GABBR2: variants seen among roughly 807,000 people sequenced by gnomAD.
GABBR2 encodes the protein G-protein coupled receptor 51.
Under a neutral mutation model 105.6 loss-of-function variants are expected in GABBR2, and 23 were observed. The observed-to-expected ratio is 0.22, with a 90% confidence interval of 0.16 to 0.31. The LOEUF (loss-of-function observed/expected upper bound fraction) is 0.31, where lower values mean the gene tolerates loss of function less well. Among genes scored for constraint, GABBR2 ranks in the 10% least tolerant of loss-of-function variants. GABBR2 has a pLI of 1.00. For missense variants in GABBR2, 734 were observed against 1,245.5 expected (o/e 0.59, Z 6.18); for synonymous variants, 478 against 499.7 (o/e 0.96, Z 0.58).
chr9:98,595,617 T>C (rs1829223978), intron 1 of GABBR2, among the ~76,000 whole-genome samples: 1 of 56,364 alleles, frequency 1.8e-5, no homozygotes, highest in Non-Finnish European at 3.5e-5. Flanking sequence ...CATGCTTTTG[T>C]TCTCTGCCAG....
chr9:98,425,470 C>T (rs1314548518), intron 7 of GABBR2, among the ~76,000 whole-genome samples: 6 of 152,190 alleles, frequency 3.9e-5, no homozygotes, highest in African/African-American at 1.4e-4. Flanking sequence ...TCTTTCATCA[C>T]ATTTTTGTGA....
At chr9:98,472,245 C>T (rs1269500949) in intron 6 of GABBR2, among the ~76,000 whole-genome samples, 4 of 152,188 alleles carry the variant, frequency 2.6e-5, no homozygotes. Flanking sequence ...ATGTTACCAC[C>T]TTTACCAGGG....
chr9:98,341,663 C>T lies in GABBR2; in HGVS notation c.1893+21052G>A, dbSNP rs113102574. ...AAGGAAGGAAGTAGATACAAGTTCACGGAGAGAGCACAGCCCATTTCCTGG... is the reference window on the plus strand; with the variant it reads ...AAGGAAGGAAGTAGATACAAGTTCATGGAGAGAGCACAGCCCATTTCCTGG... On this transcript the variant is annotated intron_variant, in intron 13 of 18. Coordinates refer to ENST00000259455, the MANE Select transcript of GABBR2 (RefSeq NM_005458.8). Among the ~76,000 whole-genome samples the T allele has an allele frequency of 7.4e-3, 1,121 of 152,194 alleles. 17 individuals carry two copies. Among genetic ancestry groups the T allele is most frequent in the African/African-American group, 0.026 (1,060 of 41,528 alleles).
rs1564026896 is a variant in GABBR2, at chr9:98,349,345, TTTTG to T, written c.1893+13366_1893+13369del. Among the ~76,000 whole-genome samples, 5 of 12,824 alleles carry T rather than the reference TTTTG, an allele frequency of 3.9e-4. No homozygotes were observed. The South Asian group carries it at 5.3e-3, about 13-fold the overall frequency. 8.4% of individuals were successfully genotyped at this position (12,824 alleles called of 152,430 possible). On this transcript the variant is annotated intron_variant, in intron 13 of 18. Coordinates refer to ENST00000259455, the MANE Select transcript of GABBR2 (RefSeq NM_005458.8). ...TTGGTTTGCCAATATTTTGTTGAAG[TTTTG>T]TTTTTTTTTTTTTTTTTTTTTTTTT...
At chr9:98,447,510 T>C (rs2131594839) in intron 7 of GABBR2, among the ~76,000 whole-genome samples, 1 of 151,124 alleles carries the variant, frequency 6.6e-6, no homozygotes, top group East Asian at 2.0e-4. Flanking sequence ...GGGACAACTC[T>C]AACAAGATGA....
chr9:98,681,964 G>C (rs984342254), intron 1 of GABBR2, among the ~76,000 whole-genome samples: 4 of 152,176 alleles, frequency 2.6e-5, no homozygotes, highest in Middle Eastern at 3.2e-3. Flanking sequence ...GCTTATGCCT[G>C]TAATCCCAGC....
intron 7 of GABBR2, among the ~76,000 whole-genome samples, chr9:98,428,825 A>G (rs1825745420): frequency 6.6e-6 from 1 of 152,210 alleles, no homozygotes; most frequent in Non-Finnish European, 1.5e-5. Flanking sequence ...GCATAGGCCT[A>G]GAATGGACCT....
intron 1 of GABBR2, among the ~76,000 whole-genome samples, chr9:98,666,365 G>A (rs902988076): frequency 3.9e-5 from 6 of 152,190 alleles, no homozygotes; most frequent in African/African-American, 1.4e-4. Flanking sequence ...CACTCCCAGT[G>A]ACCCACTTGG....
chr9:98,469,983 T>C (rs1035968021), intron 6 of GABBR2, among the ~76,000 whole-genome samples: 2 of 152,232 alleles, frequency 1.3e-5, no homozygotes, highest in Non-Finnish European at 2.9e-5. Flanking sequence ...TCTAGAACTA[T>C]GTTTGACCAT....
intron 3 of GABBR2, among the ~76,000 whole-genome samples, chr9:98,518,750 G>A (rs1588208730): frequency 6.6e-6 from 1 of 152,204 alleles, no homozygotes; most frequent in Non-Finnish European, 1.5e-5. Flanking sequence ...CTCATGTATG[G>A]AGAGGATCTA....
At chr9:98,525,357 C>T (rs1827937544) in intron 3 of GABBR2, among the ~76,000 whole-genome samples, 1 of 152,146 alleles carries the variant, frequency 6.6e-6, no homozygotes, top group Admixed American at 6.5e-5. Context: ...TTTGAATAGG[C>T]ATATCTCCAA....
chr9:98,460,957 T>G (rs991740132), intron 6 of GABBR2, among the ~76,000 whole-genome samples: 1 of 152,104 alleles, frequency 6.6e-6, no homozygotes, highest in Non-Finnish European at 1.5e-5. Context: ...GCAGACTCAA[T>G]AGAAACAATG....
intron 1 of GABBR2, among the ~76,000 whole-genome samples, chr9:98,598,698 G>A (rs924342778): frequency 2.6e-5 from 4 of 152,090 alleles, no homozygotes; most frequent in Non-Finnish European, 4.4e-5. Context: ...CCAGGGGTGC[G>A]CACACAGCAG....
rs1826287701 is a variant in GABBR2 at position 98,454,315 on chromosome 9, G to C, written c.1000-98C>G. The C allele has an allele frequency of 7.4e-6, 6 of 813,436 alleles. No individual in the cohort carries two copies. In the Admixed American group the frequency reaches 1.0e-4, roughly 14 times the overall value. 50.4% of individuals were successfully genotyped at this position (813,436 alleles called of 1,614,324 possible). On this transcript the variant is annotated intron_variant, in intron 6 of 18. Transcript: ENST00000259455. The surrounding 1 kb of genome is among the most constrained non-coding windows in gnomAD (Gnocchi z 4.6). ...AGCTGCTATTCTTCAATGCCCACAG[G>C]GTGCCAGGTACAGTGCTAGATTCTA...
intron 7 of GABBR2, among the ~76,000 whole-genome samples, chr9:98,426,262 A>T (rs1315209040): frequency 6.6e-6 from 1 of 152,208 alleles, no homozygotes; most frequent in Non-Finnish European, 1.5e-5. Flanking sequence ...TGTGACACAT[A>T]ACCTATCCAG....
At chr9:98,366,096 T>C (rs1831671435) in intron 12 of GABBR2, among the ~76,000 whole-genome samples, 2 of 152,238 alleles carry the variant, frequency 1.3e-5, no homozygotes, top group South Asian at 4.1e-4. Flanking sequence ...ACTAGTTGTG[T>C]GATCTTGGGT....
intron 1 of GABBR2, among the ~76,000 whole-genome samples, chr9:98,647,041 G>A (rs1286679592): frequency 6.6e-6 from 1 of 152,212 alleles, no homozygotes; most frequent in South Asian, 2.1e-4. Context: ...GAGGCAGGGA[G>A]GATATCTGTT....
intron 2 of GABBR2, among the ~76,000 whole-genome samples, chr9:98,575,096 C>G (rs74989672): frequency 9.5e-5 from 14 of 147,276 alleles, no homozygotes; most frequent in East Asian, 2.0e-4. Flanking sequence ...CACCCCCCCC[C>G]AAATCTGCAA....
chr9:98,407,802 G>C (rs1832516834), intron 7 of GABBR2, among the ~76,000 whole-genome samples: 1 of 152,232 alleles, frequency 6.6e-6, no homozygotes, highest in Non-Finnish European at 1.5e-5. Flanking sequence ...TGATACAGGA[G>C]TGGGGGTGAG....
Sources: allele counts gnomAD v4.1 joint callset (sites outside exome capture counted in the v4.1 genomes callset), GRCh38; gene constraint gnomAD v4.1.1; non-coding constraint Gnocchi (gnomAD v3.1); transcripts MANE v1.5; gene names NCBI Gene and HGNC (gene_info 2026-07-23, HGNC 2026-07-21).